The following VPS13A variants were observed in gnomAD, a reference collection of about 807,000 sequenced individuals.
VPS13A encodes intermembrane lipid transfer protein VPS13A.
In VPS13A, 264 loss-of-function variants were observed where a neutral mutation model predicts 390.9. That is an observed-to-expected ratio of 0.68 (90% CI 0.61 to 0.75). The LOEUF is 0.75. Among genes scored for constraint, VPS13A ranks in the 30% least tolerant of loss-of-function variants. VPS13A has a pLI of 0.00. For missense variants in VPS13A, 3,409 were observed against 3,733.9 expected, an observed-to-expected ratio of 0.91 and a Z score of 2.27; for synonymous variants, 1,231 against 1,227.1, an observed-to-expected ratio of 1.00 and a Z score of -0.07.
intron 33 of VPS13A, among the ~76,000 whole-genome samples, chr9:77,297,949 G>A (rs182239704): frequency 1.3e-5 from 2 of 152,184 alleles, no homozygotes; most frequent in Non-Finnish European, 2.9e-5. Flanking sequence ...TAAGGTAAGG[G>A]AGTGAAGTAG....
At chr9:77,343,299 G>C (rs1316539585) in intron 50 of VPS13A, among the ~76,000 whole-genome samples, 1 of 152,144 alleles carries the variant, frequency 6.6e-6, no homozygotes, top group Non-Finnish European at 1.5e-5. Context: ...CTCATATCTA[G>C]TTCCATTAAT....
chr9:77,234,360 T>G (rs1824010104), intron 17 of VPS13A, among the ~76,000 whole-genome samples: 1 of 152,126 alleles, frequency 6.6e-6, no homozygotes, highest in Non-Finnish European at 1.5e-5. Context: ...TTTTATATGT[T>G]AGTATAACCA....
rs575721778 is a variant in VPS13A, at chr9:77,355,379, G to T, written c.7653-1335G>T. On this transcript the variant is annotated intron_variant, in intron 54 of 71. Coordinates refer to ENST00000360280, the MANE Select transcript of VPS13A (RefSeq NM_033305.3). ...ACTTCCAGAATACCTCACCATCTTGGTTTTTCTTCCTATCCAGTCTCATTC... is the reference window on the plus strand; with the variant it reads ...ACTTCCAGAATACCTCACCATCTTGTTTTTTCTTCCTATCCAGTCTCATTC... Among the ~76,000 whole-genome samples, 6 of 152,204 alleles carry T rather than the reference G, an allele frequency of 3.9e-5. No individual in the cohort carries two copies. In the South Asian group the frequency reaches 6.2e-4, roughly 16 times the overall value.
intron 32 of VPS13A, 29 bp from the exon 33 acceptor site, chr9:77,295,513 C>A: frequency 6.4e-7 from 1 of 1,552,534 alleles, no homozygotes; most frequent in Non-Finnish European, 8.7e-7. Context: ...TATTAATAAC[C>A]TTAAGAATAT....
intron 3 of VPS13A, among the ~76,000 whole-genome samples, chr9:77,201,663 C>G (rs1213426956): frequency 6.6e-6 from 1 of 152,086 alleles, no homozygotes; most frequent in Non-Finnish European, 1.5e-5. Context: ...AAAGGATTAC[C>G]TCTAAGGGAG....
chr9:77,298,926 T>C (rs925083498), intron 33 of VPS13A, among the ~76,000 whole-genome samples: 1 of 152,216 alleles, frequency 6.6e-6, no homozygotes, highest in African/African-American at 2.4e-5. Flanking sequence ...GTGTCTCCTT[T>C]ACTTTCTGCC....
At position 77,343,606 on chromosome 9, in the gene VPS13A, G is replaced by A. The variant is rs186363093; in HGVS notation, c.7027-547G>A. On this transcript the variant is annotated intron_variant, in intron 50 of 71. Coordinates refer to ENST00000360280, the MANE Select transcript of VPS13A (RefSeq NM_033305.3). ...TCCTATTCTTTTAGTTTGGTTTCCA[G>A]ATCACTCACGTTGAAGTTATTTCGT... Among the ~76,000 whole-genome samples the A allele has an allele frequency of 5.3e-5, 8 of 152,246 alleles. No individual in the cohort carries two copies. In the East Asian group the frequency reaches 1.5e-3, roughly 29 times the overall value.
intron 67 of VPS13A, 44 bp from the exon 68 acceptor site, chr9:77,381,932 T>G (rs771933027): frequency 7.6e-7 from 1 of 1,318,392 alleles, no homozygotes; most frequent in African/African-American, 1.5e-5. Flanking sequence ...ATTTACAAGT[T>G]TTTGAATAAT....
At chr9:77,408,410 G>T (rs997748245) in intron 71 of VPS13A, among the ~76,000 whole-genome samples, 1 of 152,218 alleles carries the variant, frequency 6.6e-6, no homozygotes, top group African/African-American at 2.4e-5. Flanking sequence ...TGAGGTACTG[G>T]GTTCATGTCA....
At chr9:77,224,897 A>G (rs1321253543) in intron 13 of VPS13A, among the ~76,000 whole-genome samples, 1 of 152,198 alleles carries the variant, frequency 6.6e-6, no homozygotes, top group Non-Finnish European at 1.5e-5. Flanking sequence ...AGAGATTGCA[A>G]TAGCCACCCC....
At chr9:77,274,024 A>G (rs1325650429) in intron 24 of VPS13A, among the ~76,000 whole-genome samples, 2 of 152,230 alleles carry the variant, frequency 1.3e-5, no homozygotes, top group Non-Finnish European at 2.9e-5. Context: ...TTAAGGCAAT[A>G]GCAGATATTT....
chr9:77,321,328 G>A lies in VPS13A; in HGVS notation c.5574+1G>A, dbSNP rs1829731758. 1.2e-6 allele frequency: 2 copies of A among 1,603,246 alleles called. No individual in the cohort carries two copies. Among genetic ancestry groups the A allele is most frequent in the Non-Finnish European group, 1.7e-6 (2 of 1,172,650 alleles). On this transcript the variant is annotated splice_donor_variant, in intron 43 of 71. Transcript: ENST00000360280. LOFTEE classifies it high-confidence loss of function. ...TGTAATGTTAAACAATTTAGTCAAG[G>A]TAAGAAAAGAAATTTGAAACTTTAA...
At chr9:77,218,449 G>C (rs894579282) in intron 10 of VPS13A, among the ~76,000 whole-genome samples, 2 of 152,166 alleles carry the variant, frequency 1.3e-5, no homozygotes, top group South Asian at 4.2e-4. Flanking sequence ...GTTTTTTGTT[G>C]TTGCTGTTTG....
rs536486006 is a variant in VPS13A at position 77,377,564 on chromosome 9, T to G, written c.9078-4412T>G. ...ATTGCTGGTGTGTTGAATACAACTGTTTTTCTTTATATTTGAGTTTCTGCA... is the reference window on the plus strand; with the variant it reads ...ATTGCTGGTGTGTTGAATACAACTGGTTTTCTTTATATTTGAGTTTCTGCA... On this transcript the variant is annotated intron_variant, in intron 67 of 71. Transcript: ENST00000360280. Among the ~76,000 whole-genome samples, 3 of 152,304 alleles carry G rather than the reference T, an allele frequency of 2.0e-5. No homozygotes were observed. In the South Asian group the frequency reaches 6.2e-4, roughly 32 times the overall value.
intron 67 of VPS13A, among the ~76,000 whole-genome samples, chr9:77,371,552 A>T (rs1191778551): frequency 6.6e-6 from 1 of 152,094 alleles, no homozygotes; most frequent in Non-Finnish European, 1.5e-5. Flanking sequence ...CTGGCTGGGG[A>T]TAAAGTTTCC....
rs112596608 is a variant in VPS13A, at chr9:77,339,695, T to C, written c.6558T>C (p.Val2186=). ...TTAGTTTTGTCAGTTTTACTTGTGT[T>C]ACAGAAATGGAAAAGACTGATTTAG... is the stretch of plus-strand genomic sequence containing the variant. The part of the protein sequence containing the change: ...QDISFVSFTC[V]TEMEKTDLDI... The change falls in exon 48 of 72, where the codon GTT becomes GTC. Residue 2186 remains valine (V), a synonymous_variant. Coordinates refer to ENST00000360280, the MANE Select transcript of VPS13A (RefSeq NM_033305.3). 135 of 1,614,000 alleles carry C rather than the reference T, an allele frequency of 8.4e-5. No homozygotes were observed. The highest frequency in any genetic ancestry group is 6.0e-4 in the Admixed American group (36 of 60,008).
chr9:77,221,298 T>A lies in VPS13A; in HGVS notation c.1103T>A (p.Leu368Gln). 6.2e-7 allele frequency: 1 copy of A among 1,613,428 alleles called. No homozygotes were observed. The highest frequency in any genetic ancestry group is 8.5e-7 in the Non-Finnish European group (1 of 1,179,542). ...HRQKVKQYKELYKKKLTSKKP... is the reference protein window; with the variant it reads ...HRQKVKQYKEQYKKKLTSKKP... Reference sequence around the variant, plus strand: ...CAAAAAGTGAAGCAATATAAAGAACTGTATAAAAAAAAGTTAACAAGTAAG... The same window carrying A: ...CAAAAAGTGAAGCAATATAAAGAACAGTATAAAAAAAAGTTAACAAGTAAG... Residue 368 changes from leucine to glutamine, a missense_variant, in exon 13 of 72, where the codon CTG (leucine) becomes CAG (glutamine). Transcript: ENST00000360280.
intron 65 of VPS13A, 154 bp from the exon 66 acceptor site, chr9:77,370,736 C>CT (rs1473630666): frequency 3.5e-6 from 2 of 574,768 alleles, no homozygotes; most frequent in African/African-American, 4.7e-5. Flanking sequence ...TCAGTAGCCT[C>CT]TAAAACATTC....
chr9:77,368,193 T>A lies in VPS13A; in HGVS notation c.8553+57T>A. On this transcript the variant is annotated intron_variant, in intron 62 of 71. Transcript: ENST00000360280. ...AGTGATACAGACTGGTAAAACCTTT[T>A]GTGTCTATACATATATAATGTGGAA... 22 of 1,385,448 alleles carry A rather than the reference T, an allele frequency of 1.6e-5. No homozygotes were observed. In the Middle Eastern group the frequency reaches 5.3e-4, roughly 33 times the overall value. 85.8% of individuals were successfully genotyped at this position (1,385,448 alleles called of 1,614,324 possible).
Sources: gnomAD v4.1 joint callset for allele counts (sites outside exome capture counted in the v4.1 genomes callset) on GRCh38, gnomAD v4.1.1 for gene constraint, MANE v1.5 for transcripts, NCBI Gene and HGNC (gene_info 2026-07-23, HGNC 2026-07-21) for gene names.